TNFRSF10A: variants seen among roughly 807,000 people sequenced by gnomAD.
The protein encoded by TNFRSF10A is TNF receptor superfamily member 10a.
A neutral mutation model predicts 42.8 loss-of-function variants in TNFRSF10A; 44 were observed. The ratio of observed to expected loss-of-function variants is 1.03; its 90% CI spans 0.81 to 1.32. The LOEUF is 1.32. TNFRSF10A is among the 40% of genes most tolerant of loss of function. The pLI, the probability that TNFRSF10A is intolerant of heterozygous loss-of-function variation, is 0.00. For missense variants in TNFRSF10A, 680 were observed against 602.0 expected (o/e 1.13, Z -1.36); for synonymous variants, 259 against 234.2 (o/e 1.11, Z -0.97).
chr8:23,197,021 G>T, intron 9 of TNFRSF10A, 111 bp downstream of exon 9: 1 of 1,442,550 alleles, frequency 6.9e-7, no homozygotes, highest in Non-Finnish European at 9.7e-7. Flanking sequence ...AGGACCCCCA[G>T]TTTCTGGCAT....
intron 1 of TNFRSF10A, among the ~76,000 whole-genome samples, chr8:23,214,183 G>T (rs2128850753): frequency 6.6e-6 from 1 of 151,276 alleles, no homozygotes; most frequent in South Asian, 2.1e-4. Flanking sequence ...TTACCCATTG[G>T]TTGTTTTAAA....
chr8:23,192,059 G>C, intron 9 of TNFRSF10A, 46 bp from the exon 10 acceptor site: 2 of 1,570,352 alleles, frequency 1.3e-6, no homozygotes, highest in Non-Finnish European at 1.7e-6. Flanking sequence ...TTGGGACTCA[G>C]TTCAGAAGGG....
chr8:23,216,432 T>G (rs1801181558), intron 1 of TNFRSF10A, among the ~76,000 whole-genome samples: 2 of 152,108 alleles, frequency 1.3e-5, no homozygotes. Flanking sequence ...TTTTTGAAGA[T>G]TTTCATCATC....
intron 1 of TNFRSF10A, among the ~76,000 whole-genome samples, chr8:23,221,320 C>A (rs1242508638): frequency 6.6e-6 from 1 of 152,252 alleles, no homozygotes; most frequent in Admixed American, 6.5e-5. Context: ...GGGGCCACAG[C>A]AGAGTCACAG....
rs369786035 is a variant in TNFRSF10A, at chr8:23,200,783, G to A, written c.630-23C>T. On this transcript the variant is annotated intron_variant, in intron 4 of 9. Coordinates refer to ENST00000221132, the MANE Select transcript of TNFRSF10A (RefSeq NM_003844.4). ...CACCTGGGTACACACAGGGAGGGAG[G>A]GGGGGGACTCTTGATGGAAAGCTGG... The A allele has an allele frequency of 2.7e-4, 420 of 1,558,550 alleles. 23 individuals carry two copies. Among genetic ancestry groups the A allele is most frequent in the Non-Finnish European group, 3.4e-4 (385 of 1,131,564 alleles).
At chr8:23,203,812 C>A (rs1239625332) in intron 2 of TNFRSF10A, among the ~76,000 whole-genome samples, 1 of 145,234 alleles carries the variant, frequency 6.9e-6, no homozygotes, top group African/African-American at 2.5e-5. Flanking sequence ...GAGTCTCGCT[C>A]TCTCACCAGG....
chr8:23,224,648 C>A, intron 1 of TNFRSF10A, 108 bp downstream of exon 1: 1 of 1,387,790 alleles, frequency 7.2e-7, no homozygotes, highest in Non-Finnish European at 9.6e-7. Context: ...GGACATGCCC[C>A]GCCACAAGTG....
rs1800875252 is a variant in TNFRSF10A, at chr8:23,199,459, C to T, written c.832-11G>A. 6.2e-7 allele frequency: 1 copy of T among 1,604,412 alleles called. No homozygotes were observed. The highest frequency in any genetic ancestry group is 8.5e-7 in the Non-Finnish European group (1 of 1,172,130). ...GCGCCAGAAACACACCTTAGGAAGG[C>T]AAAGAGCCAACTCAGAAGCCCACAC... On this transcript the variant is annotated splice_polypyrimidine_tract_variant and intron_variant, in intron 7 of 9. Coordinates refer to ENST00000221132, the MANE Select transcript of TNFRSF10A (RefSeq NM_003844.4).
chr8:23,202,623 G>A (rs1183446333), intron 3 of TNFRSF10A, 25 bp downstream of exon 3: 12 of 1,594,300 alleles, frequency 7.5e-6, no homozygotes, highest in Non-Finnish European at 8.6e-6. Context: ...TCCACCTCTG[G>A]ACAAGAGGTC....
At chr8:23,193,116 T>G (rs1403437000) in intron 9 of TNFRSF10A, among the ~76,000 whole-genome samples, 1 of 152,196 alleles carries the variant, frequency 6.6e-6, no homozygotes, top group Non-Finnish European at 1.5e-5. Context: ...AGCACCCTAT[T>G]AAAGCCTTCT....
intron 8 of TNFRSF10A, 190 bp from the exon 9 acceptor site, chr8:23,197,394 G>T: frequency 1.6e-6 from 1 of 626,572 alleles, no homozygotes; most frequent in Non-Finnish European, 2.8e-6. Flanking sequence ...TACCACCTCA[G>T]CTCCACCCGG....
At chr8:23,216,467 G>A (rs960711251) in intron 1 of TNFRSF10A, among the ~76,000 whole-genome samples, 1 of 152,104 alleles carries the variant, frequency 6.6e-6, no homozygotes, top group African/African-American at 2.4e-5. Context: ...CTCCAGGCCA[G>A]GCACGGTGGC....
At chr8:23,218,555 G>T (rs570268215) in intron 1 of TNFRSF10A, among the ~76,000 whole-genome samples, 3 of 152,090 alleles carry the variant, frequency 2.0e-5, no homozygotes, top group East Asian at 3.9e-4. Flanking sequence ...TTGTAGTCTC[G>T]GGCCAGCCTC....
rs530752459 is a variant in TNFRSF10A, at chr8:23,205,154, G to T, written c.404-2393C>A. On this transcript the variant is annotated intron_variant, in intron 2 of 9. Coordinates refer to ENST00000221132, the MANE Select transcript of TNFRSF10A (RefSeq NM_003844.4). ...CAAAATCTAGTTCTTTAAATAGATCGATATATTGGCACAACTAATTGTGTT... is the reference window on the plus strand; with the variant it reads ...CAAAATCTAGTTCTTTAAATAGATCTATATATTGGCACAACTAATTGTGTT... 1.1e-3 allele frequency among the ~76,000 whole-genome samples: 160 copies of T among 152,120 alleles called. 2 individuals are homozygous for T. The highest frequency in any genetic ancestry group is 1.5e-3 in the Non-Finnish European group (101 of 68,010).
At chr8:23,199,759 A>G (rs2128847515) in intron 7 of TNFRSF10A, 127 bp downstream of exon 7, 3 of 1,330,622 alleles carry the variant, frequency 2.3e-6, no homozygotes, top group Non-Finnish European at 3.2e-6. Context: ...AATGCACAGC[A>G]TCCAGGCCAC....
intron 2 of TNFRSF10A, among the ~76,000 whole-genome samples, chr8:23,204,049 TTACAGGAGTGAGCC>T (rs1800972710): frequency 6.6e-6 from 1 of 152,126 alleles, no homozygotes; most frequent in Admixed American, 6.5e-5. Context: ...AGTGCTGGGA[TTACAGGAGTGAGCC>T]ACCGTGCCAC....
In TNFRSF10A at chr8:23,201,858, T is replaced by C. The variant is rs371483934; in HGVS notation, c.579A>G (p.Gly193=). Residue 193 remains glycine, a synonymous_variant, in exon 4 of 10, where the codon GGA becomes GGG. Transcript: ENST00000221132. ...TRNTACQCKP[G]TFRNDNSAEM... ...CAGCAGAATTGTCATTCCGGAAAGT[T>C]CCTGGTTTGCACTGACATGCTGTGT... The C allele has an allele frequency of 1.6e-5, 26 of 1,614,088 alleles. No individual in the cohort carries two copies. The highest frequency in any genetic ancestry group is 2.1e-5 in the Non-Finnish European group (25 of 1,180,040).
In TNFRSF10A at chr8:23,202,719, G is replaced by T; in HGVS notation, c.446C>A (p.Thr149Lys). 6.2e-7 allele frequency: 1 copy of T among 1,614,036 alleles called. No individual in the cohort carries two copies. The highest frequency in any genetic ancestry group is 8.5e-7 in the Non-Finnish European group (1 of 1,179,944). ...SEHPGACNRC[T>K]EGVGYTNASN... ...AGCATTGGTGTAACCCACACCCTCTGTGCACCGGTTACAGGCTCCAGGATG... is the reference window on the plus strand; with the variant it reads ...AGCATTGGTGTAACCCACACCCTCTTTGCACCGGTTACAGGCTCCAGGATG... Residue 149 changes from threonine to lysine, a missense_variant, in exon 3 of 10, where the codon ACA (threonine) becomes AAA (lysine). Transcript: ENST00000221132.
chr8:23,213,436 C>CTTTTTTTTTTTT lies in TNFRSF10A; in HGVS notation c.307-1236_307-1225dup, dbSNP rs58691757. ...GCTGGTTTGGGCTTAGTTTGCTCCT[C>CTTTTTTTTTTTT]TTTTTTTTTTTTTTTTTTTTTTTTT... On this transcript the variant is annotated intron_variant, in intron 1 of 9. Coordinates refer to ENST00000221132, the MANE Select transcript of TNFRSF10A (RefSeq NM_003844.4). 6.2e-3 allele frequency among the ~76,000 whole-genome samples: 423 copies of CTTTTTTTTTTTT among 68,608 alleles called. 49 individuals carry two copies. The highest frequency in any genetic ancestry group is 8.2e-3 in the Non-Finnish European group (312 of 38,136). The allele number at this position is 68,608 out of a possible 152,430, so 45.0% of individuals were successfully genotyped here. A position where few individuals can be genotyped will look rare whatever the true frequency, so the allele number is the denominator to read the frequency against.
Sources: allele counts gnomAD v4.1 joint callset (sites outside exome capture counted in the v4.1 genomes callset), GRCh38; gene constraint gnomAD v4.1.1; transcripts MANE v1.5; gene names NCBI Gene and HGNC (gene_info 2026-07-23, HGNC 2026-07-21).